STARD13: variants seen among roughly 807,000 people sequenced by gnomAD.
STARD13 encodes stAR-related lipid transfer protein 13.
A neutral mutation model predicts 106.4 loss-of-function variants in STARD13; 62 were observed. The ratio of observed to expected loss-of-function variants is 0.58; its 90% CI spans 0.48 to 0.72. The LOEUF is 0.72. Among genes scored for constraint, STARD13 ranks in the 30% least tolerant of loss-of-function variants. The pLI is 0.00. For missense variants in STARD13, 1,387 were observed against 1,424.0 expected, an observed-to-expected ratio of 0.97 and a Z score of 0.42; for synonymous variants, 565 against 553.0, an observed-to-expected ratio of 1.02 and a Z score of -0.31.
the STARD13 span, among the ~76,000 whole-genome samples, chr13:33,606,820 C>A: frequency 6.6e-6 from 1 of 152,186 alleles, no homozygotes; most frequent in South Asian, 2.1e-4. Context: ...CTGGAGGCTC[C>A]GGGGAGAATT....
the STARD13 span, among the ~76,000 whole-genome samples, chr13:33,524,000 C>T: frequency 8.2e-4 from 125 of 152,204 alleles, 1 homozygote; most frequent in Admixed American, 8.1e-3. Context: ...AACCGTTTTA[C>T]CTTCAGCAAG....
At chr13:33,641,246 T>C in the STARD13 span, among the ~76,000 whole-genome samples, 4 of 152,226 alleles carry the variant, frequency 2.6e-5, no homozygotes, top group South Asian at 8.3e-4. Context: ...TTTCTTTTCT[T>C]TTTTCTTTTT....
At chr13:33,307,926 T>C (rs1892973451) in intron 1 of STARD13, among the ~76,000 whole-genome samples, 1 of 152,214 alleles carries the variant, frequency 6.6e-6, no homozygotes, top group East Asian at 1.9e-4. Context: ...AAAAGAGCAA[T>C]TGTGGTTTCC....
In STARD13 at chr13:33,130,375, T is replaced by C. The variant is rs1248913410; in HGVS notation, c.388-86A>G. The C allele has an allele frequency of 7.7e-7, 1 of 1,299,716 alleles. No homozygotes were observed. 80.5% of individuals were successfully genotyped at this position (1,299,716 alleles called of 1,614,324 possible). On this transcript the variant is annotated intron_variant, in intron 4 of 13. Transcript: ENST00000336934. The surrounding 1 kb of genome is among the most constrained non-coding windows in gnomAD (Gnocchi z 4.1). ...GTGCTCTGAGGGCAGCCCTGTGTGG[T>C]CCTCCACCTCCCTCCCCTCTGTCCT... is the stretch of plus-strand genomic sequence containing the variant.
At chr13:33,295,353 A>T (rs1445847265) in intron 1 of STARD13, among the ~76,000 whole-genome samples, 1 of 152,194 alleles carries the variant, frequency 6.6e-6, no homozygotes, top group African/African-American at 2.4e-5. Context: ...TGACTGGAAG[A>T]CACATTTTAG....
At chr13:33,289,015 G>A (rs182493555), upstream of STARD13, among the ~76,000 whole-genome samples, 23 of 152,298 alleles carry the variant, frequency 1.5e-4, no homozygotes, top group East Asian at 4.2e-3. Context: ...TTAGAATCAA[G>A]AAGTGGCTAG....
intron 1 of STARD13, 57 bp from the exon 2 acceptor site, chr13:33,167,679 G>T: frequency 2.6e-6 from 4 of 1,525,298 alleles, no homozygotes; most frequent in Non-Finnish European, 3.6e-6. Context: ...CTAGTACTCT[G>T]CCTTCTTAAT....
the STARD13 span, among the ~76,000 whole-genome samples, chr13:33,539,708 T>G: frequency 6.6e-6 from 1 of 152,224 alleles, no homozygotes; most frequent in Non-Finnish European, 1.5e-5. Context: ...TGTGCCATAC[T>G]AAAAATTAAG....
At chr13:33,162,828 C>T (rs1566037602) in intron 3 of STARD13, among the ~76,000 whole-genome samples, 1 of 152,046 alleles carries the variant, frequency 6.6e-6, no homozygotes, top group Non-Finnish European at 1.5e-5. Flanking sequence ...CTGTCTTCTT[C>T]TGAGCCTTCC....
chr13:33,578,641 A>T, the STARD13 span, among the ~76,000 whole-genome samples: 1 of 152,242 alleles, frequency 6.6e-6, no homozygotes, highest in South Asian at 2.1e-4. Flanking sequence ...GAAAGCAAAA[A>T]TAAGGAAATA....
chr13:33,515,672 CT>C, the STARD13 span, among the ~76,000 whole-genome samples: 3 of 152,124 alleles, frequency 2.0e-5, no homozygotes, highest in African/African-American at 7.2e-5. Flanking sequence ...GCCTGCCAAT[CT>C]TTATTTTGCG....
the STARD13 span, among the ~76,000 whole-genome samples, chr13:33,544,121 T>G: frequency 8.5e-5 from 13 of 152,332 alleles, no homozygotes; most frequent in East Asian, 2.5e-3. Context: ...GCTGTTAAAT[T>G]AGAAATGACT....
the STARD13 span, among the ~76,000 whole-genome samples, chr13:33,602,131 G>A: frequency 7.0e-5 from 10 of 142,948 alleles, no homozygotes; most frequent in African/African-American, 1.1e-4. Flanking sequence ...TGCTCTTGTC[G>A]CCCAGGCTGG....
intron 1 of STARD13, chr13:33,271,603 G>T (rs1891164129): frequency 6.6e-6 from 1 of 152,198 alleles, no homozygotes; most frequent in Non-Finnish European, 1.5e-5. Flanking sequence ...CAACATGCTG[G>T]ATCCTGCCCT....
chr13:33,440,454 T>C, the STARD13 span, among the ~76,000 whole-genome samples: 1 of 151,728 alleles, frequency 6.6e-6, no homozygotes, highest in Non-Finnish European at 1.5e-5. Context: ...CTCAGCTGAC[T>C]ACTCCTTCCT....
intron 1 of STARD13, among the ~76,000 whole-genome samples, chr13:33,267,612 T>A (rs1890960748): frequency 6.6e-6 from 1 of 151,968 alleles, no homozygotes; most frequent in South Asian, 2.1e-4. Context: ...ATCTTGTGAG[T>A]GAGTGAGTGA....
chr13:33,145,355 A>T (rs1226397681), intron 3 of STARD13, among the ~76,000 whole-genome samples: 30 of 152,212 alleles, frequency 2.0e-4, no homozygotes, highest in Non-Finnish European at 3.7e-4. Flanking sequence ...AACATTAAGT[A>T]TTAGCAAGGA....
intron 3 of STARD13, among the ~76,000 whole-genome samples, chr13:33,162,414 A>G (rs1309414458): frequency 6.6e-6 from 1 of 152,204 alleles, no homozygotes; most frequent in Non-Finnish European, 1.5e-5. Flanking sequence ...CTTGACACTT[A>G]TGCAAATTTC....
intron 1 of STARD13, among the ~76,000 whole-genome samples, chr13:33,182,377 C>T (rs1038620362): frequency 6.6e-6 from 1 of 152,154 alleles, no homozygotes; most frequent in Non-Finnish European, 1.5e-5. Context: ...CATTCTGTCT[C>T]TTCCAGTCCC....
Sources: gnomAD v4.1 joint callset for allele counts (sites outside exome capture counted in the v4.1 genomes callset) on GRCh38, gnomAD v4.1.1 for gene constraint, Gnocchi (gnomAD v3.1) non-coding constraint, MANE v1.5 for transcripts, NCBI Gene and HGNC (gene_info 2026-07-23, HGNC 2026-07-21) for gene names.